RORB: variants seen among roughly 807,000 people sequenced by gnomAD.
The protein encoded by RORB is RAR related orphan receptor B.
A neutral mutation model predicts 59.1 loss-of-function variants in RORB; 6 were observed. That is an observed-to-expected ratio of 0.10 (90% CI 0.06 to 0.20). RORB has a LOEUF of 0.20. Among genes scored for constraint, RORB ranks in the 10% least tolerant of loss-of-function variants. The pLI is 1.00. For synonymous variants in RORB, 215 were observed against 204.5 expected, an observed-to-expected ratio of 1.05 and a Z score of -0.44; for missense variants, 320 against 560.5, an observed-to-expected ratio of 0.57 and a Z score of 4.33.
chr9:74,650,841 A>G (rs932341415), intron 4 of RORB, among the ~76,000 whole-genome samples: 1 of 152,236 alleles, frequency 6.6e-6, no homozygotes, highest in Non-Finnish European at 1.5e-5. Context: ...AAATATAAAA[A>G]TGACCTTCAA....
chr9:74,521,281 C>G (rs1391891802), intron 1 of RORB, among the ~76,000 whole-genome samples: 1 of 151,802 alleles, frequency 6.6e-6, no homozygotes, highest in Admixed American at 6.6e-5. Flanking sequence ...TATATTGAAT[C>G]CCTTGAAAGT....
intron 4 of RORB, among the ~76,000 whole-genome samples, chr9:74,652,719 T>C (rs998932679): frequency 1.3e-5 from 2 of 152,196 alleles, no homozygotes; most frequent in Admixed American, 1.3e-4. Context: ...ATATGTCAGT[T>C]GGCAATAGAA....
At chr9:74,607,637 T>C (rs944245557) in intron 1 of RORB, among the ~76,000 whole-genome samples, 16 of 152,112 alleles carry the variant, frequency 1.1e-4, no homozygotes, top group Admixed American at 4.6e-4. Flanking sequence ...TATTCATAAG[T>C]ACATAAGTAT....
intron 1 of RORB, among the ~76,000 whole-genome samples, chr9:74,601,817 A>G (rs974054628): frequency 6.6e-6 from 1 of 152,144 alleles, no homozygotes; most frequent in African/African-American, 2.4e-5. Context: ...TAGGGGGTGA[A>G]TGGAAGTGAA....
chr9:74,554,611 T>C (rs1206126705), intron 1 of RORB, among the ~76,000 whole-genome samples: 1 of 152,220 alleles, frequency 6.6e-6, no homozygotes, highest in Non-Finnish European at 1.5e-5. Context: ...ACTATCTATC[T>C]TCACAAGCAT....
At chr9:74,678,508 A>G (rs1236369787) in intron 9 of RORB, among the ~76,000 whole-genome samples, 1 of 152,220 alleles carries the variant, frequency 6.6e-6, no homozygotes, top group Non-Finnish European at 1.5e-5. Flanking sequence ...AAAAGCTTAA[A>G]AGATAGAAGG....
intron 1 of RORB, among the ~76,000 whole-genome samples, chr9:74,590,712 A>G (rs536342215): frequency 3.9e-5 from 6 of 152,228 alleles, no homozygotes; most frequent in Non-Finnish European, 8.8e-5. Context: ...GCAGACATAC[A>G]TCGTTGCCCT....
At chr9:74,504,253 T>G (rs955241899) in intron 1 of RORB, among the ~76,000 whole-genome samples, 21 of 152,046 alleles carry the variant, frequency 1.4e-4, no homozygotes, top group African/African-American at 5.1e-4. Context: ...CATTAAAAAA[T>G]AACACTTAGA....
chr9:74,519,570 T>G (rs2118064482), intron 1 of RORB, among the ~76,000 whole-genome samples: 1 of 152,138 alleles, frequency 6.6e-6, no homozygotes, highest in South Asian at 2.1e-4. Context: ...GGACTGCTTC[T>G]GTAACTCTTT....
chr9:74,650,529 T>A (rs1428154020), intron 4 of RORB, among the ~76,000 whole-genome samples: 2 of 152,244 alleles, frequency 1.3e-5, no homozygotes, highest in Non-Finnish European at 2.9e-5. Flanking sequence ...TGTTTGCAAA[T>A]GTGGGGAAAC....
chr9:74,526,444 A>G (rs548678243), intron 1 of RORB, among the ~76,000 whole-genome samples: 27 of 151,952 alleles, frequency 1.8e-4, no homozygotes, highest in Admixed American at 7.2e-4. Flanking sequence ...TGCCTCCTCC[A>G]TCACACTTTC....
Position 74,642,575 on chromosome 9 carries a change from C to A in RORB, c.397C>A (p.Leu133Met), listed in dbSNP as rs1355179821. Residue 133 changes from leucine to methionine, a missense_variant, in exon 4 of 10, where the codon CTG (leucine) becomes ATG (methionine). By Grantham distance (15) the Leu-to-Met change is conservative. Transcript: ENST00000376896. ...CAGCATTAGCAACGGCCTGAGCAAC[C>A]TGAACAACGAGACCAGCGGCACTTA... ...SSSISNGLSNLNNETSGTYAN... is the reference protein window; with the variant it reads ...SSSISNGLSNMNNETSGTYAN... The A allele has an allele frequency of 3.7e-6, 6 of 1,614,076 alleles. No individual in the cohort carries two copies. Among genetic ancestry groups the A allele is most frequent in the Non-Finnish European group, 5.1e-6 (6 of 1,180,050 alleles).
At chr9:74,516,871 A>C (rs1244054916) in intron 1 of RORB, among the ~76,000 whole-genome samples, 1 of 152,036 alleles carries the variant, frequency 6.6e-6, no homozygotes, top group East Asian at 1.9e-4. Context: ...AACATTTACC[A>C]AATATAAATT....
chr9:74,515,721 A>T (rs1197091592), intron 1 of RORB, among the ~76,000 whole-genome samples: 2 of 152,042 alleles, frequency 1.3e-5, no homozygotes, highest in African/African-American at 4.8e-5. Flanking sequence ...TAACAGATGC[A>T]AATTGTTAAG....
Position 74,687,610 on chromosome 9 carries a change from C to G in RORB, c.*1992C>G, listed in dbSNP as rs1230333620. 1 of 152,084 alleles carries G rather than the reference C, an allele frequency of 6.6e-6. No homozygotes were observed. The highest frequency in any genetic ancestry group is 1.5e-5 in the Non-Finnish European group (1 of 68,026). 9.4% of individuals were successfully genotyped at this position (152,084 alleles called of 1,614,324 possible). ...TTCAATTAATTTAACTACATTGAAC[C>G]AAATTACCTTTGGTTCTAAGAAGAC... is the stretch of plus-strand genomic sequence containing the variant. On this transcript the variant is annotated 3_prime_UTR_variant, in exon 10 of 10. Coordinates refer to ENST00000376896, the MANE Select transcript of RORB (RefSeq NM_006914.4).
chr9:74,524,501 C>T (rs1375861837), intron 1 of RORB, among the ~76,000 whole-genome samples: 4 of 151,862 alleles, frequency 2.6e-5, no homozygotes, highest in Non-Finnish European at 5.9e-5. Flanking sequence ...CTTTTCATTT[C>T]CTTTCTACAA....
intron 1 of RORB, among the ~76,000 whole-genome samples, chr9:74,509,537 T>A (rs544942286): frequency 2.6e-5 from 4 of 152,254 alleles, no homozygotes; most frequent in South Asian, 2.1e-4. Context: ...TAGTTTGTGA[T>A]GTGAATGCAC....
chr9:74,511,636 G>T (rs1241825952), intron 1 of RORB, among the ~76,000 whole-genome samples: 1 of 150,636 alleles, frequency 6.6e-6, no homozygotes, highest in Admixed American at 6.7e-5. Context: ...GTGTCAAGGT[G>T]AATGAATGTT....
At chr9:74,662,174 A>C (rs1285138397) in intron 5 of RORB, among the ~76,000 whole-genome samples, 1 of 152,172 alleles carries the variant, frequency 6.6e-6, no homozygotes, top group East Asian at 1.9e-4. Context: ...GGTGAGAAGG[A>C]GGAAAAGGAG....
Sources: gnomAD v4.1 joint callset for allele counts (sites outside exome capture counted in the v4.1 genomes callset) on GRCh38, gnomAD v4.1.1 for gene constraint, MANE v1.5 for transcripts, NCBI Gene and HGNC (gene_info 2026-07-23, HGNC 2026-07-21) for gene names.